The following MCM9 variants were observed in gnomAD, a reference collection of about 807,000 sequenced individuals.
MCM9 encodes the protein minichromosome maintenance 9 homologous recombination repair factor, also known as DNA helicase MCM9.
In MCM9, 55 loss-of-function variants were observed where a neutral mutation model predicts 72.8. That is an observed-to-expected ratio of 0.76 (90% CI 0.61 to 0.95). The LOEUF is 0.95. MCM9 is among the 40% of genes least tolerant of loss of function. MCM9 has a pLI of 0.00. For missense variants in MCM9, 1,279 were observed against 1,377.0 expected (o/e 0.93, Z 1.13); for synonymous variants, 480 against 503.4 (o/e 0.95, Z 0.62).
At position 118,813,581 on chromosome 6, in the gene MCM9, T is replaced by G. The variant is rs897995843; in HGVS notation, c.*1243A>C. On this transcript the variant is annotated 3_prime_UTR_variant, in exon 14 of 14. Coordinates refer to ENST00000619706, the MANE Select transcript of MCM9 (RefSeq NM_017696.3). ...AAGTGAAAATTAAACAAAATACATA[T>G]AGTTTTGAGTATTCTATGTCCAAAA... The G allele has an allele frequency of 6.6e-6, 1 of 152,210 alleles. No homozygotes were observed. Among genetic ancestry groups the G allele is most frequent in the African/African-American group, 2.4e-5 (1 of 41,466 alleles). The allele number at this position is 152,210 out of a possible 1,614,324, so 9.4% of individuals were successfully genotyped here.
rs1554258631 is a variant in MCM9 at position 118,867,879 on chromosome 6, C to CTTTTTTTT, written c.1151-11335_1151-11334insAAAAAAAA. 1.3e-4 allele frequency among the ~76,000 whole-genome samples: 18 copies of CTTTTTTTT among 137,518 alleles called. 1 individual carries two copies. Among genetic ancestry groups the CTTTTTTTT allele is most frequent in the South Asian group, 2.3e-4 (1 of 4,392 alleles). 90.2% of individuals were successfully genotyped at this position (137,518 alleles called of 152,430 possible). On this transcript the variant is annotated intron_variant, in intron 8 of 13. Transcript: ENST00000619706. ...TTAATTATATTTCTTTTTTCTTTTT[C>CTTTTTTTT]TTTTTCTTTTTTTTTGAGATGAAGT...
intron 8 of MCM9, among the ~76,000 whole-genome samples, chr6:118,875,091 T>C (rs74195948): frequency 0.83 from 126,278 of 152,152 alleles, 52,566 homozygotes; most frequent in East Asian, 0.92. Context: ...CCAGCCTGGG[T>C]GACAAGAGTG....
intron 8 of MCM9, chr6:118,907,870 TCTC>T: frequency 3.0e-6 from 1 of 330,118 alleles, no homozygotes; most frequent in South Asian, 5.0e-5. Context: ...ATTATTTTCT[TCTC>T]CTTTATATGT....
At chr6:118,820,304 AGATTCT>A (rs1352483309) in intron 13 of MCM9, among the ~76,000 whole-genome samples, 2 of 152,134 alleles carry the variant, frequency 1.3e-5, no homozygotes, top group African/African-American at 4.8e-5. Flanking sequence ...TGTGTCCCAG[AGATTCT>A]GGTATGTTTT....
At chr6:118,853,515 C>G (rs1446745126) in intron 9 of MCM9, among the ~76,000 whole-genome samples, 3 of 151,786 alleles carry the variant, frequency 2.0e-5, no homozygotes, top group Non-Finnish European at 4.4e-5. Flanking sequence ...ATTAGAATTG[C>G]ACTGGGCTGG....
intron 6 of MCM9, among the ~76,000 whole-genome samples, chr6:118,916,138 A>G (rs1051577299): frequency 6.6e-6 from 1 of 151,834 alleles, no homozygotes; most frequent in Non-Finnish European, 1.5e-5. Flanking sequence ...GGATCGCTTG[A>G]GCCTAGGAGT....
Position 118,828,005 on chromosome 6 carries a change from T to G in MCM9, c.1654A>C (p.Met552Leu), listed in dbSNP as rs1051536366. The change falls in exon 11 of 14, where the codon ATG becomes CTG. Residue 552 changes from methionine (M) to leucine (L), a missense_variant. Physicochemically the swap from Met to Leu is conservative, Grantham distance 15. Transcript: ENST00000619706. Reference protein sequence around the residue: ...GNQVLLRYYQMQRQSDCRNAA... With the variant: ...GNQVLLRYYQLQRQSDCRNAA... ...TTCCGGCAATCACTCTGCCTTTGCA[T>G]CTGGTAGTACCGGAGAAGAACCTGA... The G allele has an allele frequency of 1.3e-6, 2 of 1,550,974 alleles. No homozygotes were observed. The highest frequency in any genetic ancestry group is 1.7e-6 in the Non-Finnish European group (2 of 1,147,084).
chr6:118,889,352 ATC>A (rs1311082693), intron 8 of MCM9, among the ~76,000 whole-genome samples: 4 of 152,196 alleles, frequency 2.6e-5, no homozygotes, highest in Non-Finnish European at 5.9e-5. Context: ...GCGTCACTCC[ATC>A]TAATGTCATT....
intron 9 of MCM9, among the ~76,000 whole-genome samples, chr6:118,850,452 C>T (rs547813452): frequency 6.6e-6 from 1 of 151,828 alleles, no homozygotes; most frequent in South Asian, 2.1e-4. Flanking sequence ...TGAGAATATC[C>T]CTGTAAGAAG....
chr6:118,913,087 G>GT, intron 7 of MCM9: 1 of 546,046 alleles, frequency 1.8e-6, no homozygotes. Flanking sequence ...ATAGAAAAAT[G>GT]TAACTTCTTT....
intron 8 of MCM9, among the ~76,000 whole-genome samples, chr6:118,894,765 C>G (rs1364094624): frequency 6.6e-6 from 1 of 152,216 alleles, no homozygotes; most frequent in Non-Finnish European, 1.5e-5. Flanking sequence ...GCGGAGGTAG[C>G]CATGTTGTCA....
At chr6:118,902,455 C>CCTAA (rs1779864396) in intron 8 of MCM9, among the ~76,000 whole-genome samples, 1 of 151,770 alleles carries the variant, frequency 6.6e-6, no homozygotes, top group Non-Finnish European at 1.5e-5. Context: ...GACCCACAGG[C>CCTAA]CTAAGGAACC....
At chr6:118,834,855 T>C (rs2114583906) in intron 9 of MCM9, among the ~76,000 whole-genome samples, 1 of 152,354 alleles carries the variant, frequency 6.6e-6, no homozygotes, top group Admixed American at 6.5e-5. Flanking sequence ...CTCTTTAGTT[T>C]AATCAAATCC....
At chr6:118,923,130 TTAATTA>T (rs1781575925) in intron 4 of MCM9, among the ~76,000 whole-genome samples, 1 of 152,002 alleles carries the variant, frequency 6.6e-6, no homozygotes, top group Non-Finnish European at 1.5e-5. Flanking sequence ...TGCCTATCTC[TTAATTA>T]TTTTAGGTAA....
chr6:118,863,009 A>G (rs1156883332), intron 8 of MCM9, among the ~76,000 whole-genome samples: 1 of 152,242 alleles, frequency 6.6e-6, no homozygotes, highest in African/African-American at 2.4e-5. Context: ...GAGAAAAGGA[A>G]AATGACATAG....
chr6:118,847,955 A>G (rs1279837456), intron 9 of MCM9, among the ~76,000 whole-genome samples: 1 of 151,778 alleles, frequency 6.6e-6, no homozygotes, highest in Admixed American at 6.6e-5. Context: ...CAGCCAAGCT[A>G]TCTTTCATTT....
At chr6:118,839,786 C>A (rs1775226159) in intron 9 of MCM9, among the ~76,000 whole-genome samples, 1 of 152,188 alleles carries the variant, frequency 6.6e-6, no homozygotes, top group African/African-American at 2.4e-5. Context: ...CCTGTTCCTT[C>A]CTCTGGAAGC....
intron 9 of MCM9, among the ~76,000 whole-genome samples, chr6:118,843,685 T>C (rs1325331737): frequency 0.066 from 1,774 of 27,044 alleles, 80 homozygotes; most frequent in Middle Eastern, 0.23. Flanking sequence ...TATATATATA[T>C]GTGTATATAT....
At chr6:118,901,095 C>T (rs191129660) in intron 8 of MCM9, 12 of 456,916 alleles carry the variant, frequency 2.6e-5, no homozygotes, top group African/African-American at 5.9e-5. Flanking sequence ...GTTAATGTGA[C>T]GTTTACTTTA....
Sources: allele counts gnomAD v4.1 joint callset (sites outside exome capture counted in the v4.1 genomes callset), GRCh38; gene constraint gnomAD v4.1.1; transcripts MANE v1.5; gene names NCBI Gene and HGNC (gene_info 2026-07-23, HGNC 2026-07-21).